COL5A1: variants seen among roughly 807,000 people sequenced by gnomAD.
COL5A1 encodes collagen alpha-1(V) chain.
COL5A1 carries 16 observed loss-of-function variants against 263.7 expected under a neutral mutation model. That is an observed-to-expected ratio of 0.06 (90% CI 0.04 to 0.09). COL5A1 has a LOEUF of 0.09. COL5A1 is among the 10% of genes least tolerant of loss of function. The pLI, the probability that COL5A1 is intolerant of heterozygous loss-of-function variation, is 1.00. For missense variants in COL5A1, 2,036 were observed against 2,540.5 expected (o/e 0.80, Z 4.27); for synonymous variants, 1,012 against 1,004.5 (o/e 1.01, Z -0.14).
At position 134,765,552 on chromosome 9, in the gene COL5A1, G is replaced by A; in HGVS notation, c.2035-129G>A. 3 of 791,624 alleles carry A rather than the reference G, an allele frequency of 3.8e-6. No homozygotes were observed. The highest frequency in any genetic ancestry group is 1.5e-5 in the South Asian group (1 of 65,728). The allele number at this position is 791,624 out of a possible 1,614,324, so 49.0% of individuals were successfully genotyped here. ...GGAGGGAGTCTGGGCCTCACTCCTG[G>A]GAGGCCAGGAGGCCTGAGTCACCAG... On this transcript the variant is annotated intron_variant, in intron 20 of 65. Transcript: ENST00000371817. This position sits in a 1 kb window ranked among gnomAD's most constrained non-coding sequence, Gnocchi z 5.1.
rs1259532571 is a variant in COL5A1 at position 134,818,529 on chromosome 9, G to T, written c.4231-127G>T. The T allele has an allele frequency of 5.7e-6, 4 of 698,836 alleles. No individual in the cohort carries two copies. In the Admixed American group the frequency reaches 9.5e-5, roughly 17 times the overall value. The allele number at this position is 698,836 out of a possible 1,614,324, so 43.3% of individuals were successfully genotyped here. On this transcript the variant is annotated intron_variant, in intron 54 of 65. Transcript: ENST00000371817. This position sits in a 1 kb window ranked among gnomAD's most constrained non-coding sequence, Gnocchi z 6.0. ...AGGCAATGAAATGTGGAGAATTAGG[G>T]CAACCCCGGATATGGGGTCACCTGG...
chr9:134,703,820 T>C (rs1161325524), intron 4 of COL5A1, among the ~76,000 whole-genome samples: 1 of 151,822 alleles, frequency 6.6e-6, no homozygotes, highest in Non-Finnish European at 1.5e-5. Context: ...TTTGTATTTT[T>C]AGTAGAGATG....
intron 1 of COL5A1, among the ~76,000 whole-genome samples, chr9:134,658,129 G>A (rs1481311886): frequency 6.6e-6 from 1 of 152,022 alleles, no homozygotes; most frequent in Non-Finnish European, 1.5e-5. Flanking sequence ...GTGGGCTGGA[G>A]GGGTCCCAGG....
At chr9:134,830,427 G>T (rs1839563590) in intron 64 of COL5A1, 2 of 575,354 alleles carry the variant, frequency 3.5e-6, no homozygotes, top group South Asian at 4.0e-5. Context: ...GCAGAGCTGG[G>T]TGTGGGCCCC....
chr9:134,654,421 A>G (rs1247272612), intron 1 of COL5A1, among the ~76,000 whole-genome samples: 144 of 21,236 alleles, frequency 6.8e-3, no homozygotes, highest in Non-Finnish European at 7.3e-3. Flanking sequence ...GTAGGGCTGG[A>G]GGTGTGTAGG....
At position 134,681,089 on chromosome 9, in the gene COL5A1, C is replaced by G. The variant is rs370120960; in HGVS notation, c.110-9823C>G. On this transcript the variant is annotated intron_variant, in intron 1 of 65. Transcript: ENST00000371817. The surrounding 1 kb of genome is among the most constrained non-coding windows in gnomAD (Gnocchi z 4.3). The stretch of plus-strand genomic sequence containing the variant: ...TTAGTCATTGAGGAAGAATTTCAGT[C>G]GCAGCCTCCAGAGCGCCTCTGTTTT... Among the ~76,000 whole-genome samples, 1 of 152,162 alleles carries G rather than the reference C, an allele frequency of 6.6e-6. No homozygotes were observed.
At chr9:134,690,294 A>G (rs528216821) in intron 1 of COL5A1, among the ~76,000 whole-genome samples, 2 of 134,906 alleles carry the variant, frequency 1.5e-5, no homozygotes, top group South Asian at 2.9e-4. Context: ...GGCGACAGAC[A>G]GTCCAGGTGG....
chr9:134,777,671 G>C (rs970092402), intron 27 of COL5A1, among the ~76,000 whole-genome samples: 2 of 152,172 alleles, frequency 1.3e-5, no homozygotes, highest in Non-Finnish European at 2.9e-5. Flanking sequence ...AGGAGGCTGC[G>C]GTCCTACCTG....
chr9:134,779,098 C>T (rs1306749611), intron 27 of COL5A1, among the ~76,000 whole-genome samples: 2 of 152,258 alleles, frequency 1.3e-5, no homozygotes, highest in African/African-American at 4.8e-5. Flanking sequence ...GGCCCTGCGT[C>T]CTCCAGTGCT....
At chr9:134,702,625 T>A (rs1171044015) in intron 4 of COL5A1, among the ~76,000 whole-genome samples, 1 of 152,210 alleles carries the variant, frequency 6.6e-6, no homozygotes, top group Non-Finnish European at 1.5e-5. Flanking sequence ...ACGGGCACGG[T>A]TGAACTGACC....
chr9:134,736,087 A>G (rs1454929193), intron 9 of COL5A1, among the ~76,000 whole-genome samples: 3 of 148,228 alleles, frequency 2.0e-5, no homozygotes, highest in South Asian at 2.1e-4. Context: ...GGACATCTGC[A>G]GCCCCCTGGC....
rs1479902042 is a variant in COL5A1 at position 134,782,682 on chromosome 9, C to G, written c.2446C>G (p.Pro816Ala). ...TKGEKGEDGF[P>A]GFKGDMGIKG... ...CCATATTCAGGGTGAAGACGGCTTTCCTGGGTTTAAAGGAGACATGGGCAT... is the reference window on the plus strand; with the variant it reads ...CCATATTCAGGGTGAAGACGGCTTTGCTGGGTTTAAAGGAGACATGGGCAT... Residue 816 changes from proline to alanine, a missense_variant, in exon 29 of 66, where the codon CCT (proline) becomes GCT (alanine). Coordinates refer to ENST00000371817, the MANE Select transcript of COL5A1 (RefSeq NM_000093.5). 2 of 1,614,002 alleles carry G rather than the reference C, an allele frequency of 1.2e-6. No homozygotes were observed. Among genetic ancestry groups the G allele is most frequent in the Non-Finnish European group, 1.7e-6 (2 of 1,179,996 alleles).
chr9:134,778,438 CTG>C (rs1360785031), intron 27 of COL5A1, among the ~76,000 whole-genome samples: 1 of 152,246 alleles, frequency 6.6e-6, no homozygotes, highest in Non-Finnish European at 1.5e-5. Flanking sequence ...AATACGCAAG[CTG>C]TGTTTGTCCG....
chr9:134,745,036 C>A (rs55871863), intron 11 of COL5A1, among the ~76,000 whole-genome samples: 1 of 152,204 alleles, frequency 6.6e-6, no homozygotes. Context: ...GCAGCCTGGT[C>A]GTGAATGACT....
rs1394173858 is a variant in COL5A1, at chr9:134,647,907, T to C, written c.109+5611T>C. ...CTGCAGGCGGAGCCCACAGCGGCCC[T>C]TGTGGTGGTTACTACTGAGTGTCAA... is the stretch of plus-strand genomic sequence containing the variant. On this transcript the variant is annotated intron_variant, in intron 1 of 65. Coordinates refer to ENST00000371817, the MANE Select transcript of COL5A1 (RefSeq NM_000093.5). The surrounding 1 kb of genome is among the most constrained non-coding windows in gnomAD (Gnocchi z 5.0). Among the ~76,000 whole-genome samples the C allele has an allele frequency of 1.3e-5, 2 of 152,216 alleles. No individual in the cohort carries two copies. Among genetic ancestry groups the C allele is most frequent in the African/African-American group, 2.4e-5 (1 of 41,450 alleles).
At chr9:134,820,298 C>T in intron 58 of COL5A1, 75 bp downstream of exon 58, 1 of 1,189,770 alleles carries the variant, frequency 8.4e-7, no homozygotes, top group Non-Finnish European at 1.2e-6. Context: ...ACCCAGGGGA[C>T]AGGAGGCCCA....
chr9:134,722,007 C>G (rs1235895993), intron 4 of COL5A1, among the ~76,000 whole-genome samples: 1 of 152,252 alleles, frequency 6.6e-6, no homozygotes, highest in Non-Finnish European at 1.5e-5. Flanking sequence ...GCCTTAGCAC[C>G]TGCGCCTCGG....
chr9:134,812,750 T>G (rs1838577207), intron 48 of COL5A1, 38 bp downstream of exon 48: 3 of 1,389,522 alleles, frequency 2.2e-6, no homozygotes, highest in African/African-American at 3.0e-5. Context: ...GATTTGCGGT[T>G]GTTTGAGGAG....
chr9:134,717,213 G>A (rs572660511), intron 4 of COL5A1, among the ~76,000 whole-genome samples: 20 of 152,220 alleles, frequency 1.3e-4, no homozygotes, highest in African/African-American at 4.6e-4. Context: ...CACCGGTGGC[G>A]TCCGGCCAGG....
Sources: allele counts gnomAD v4.1 joint callset (sites outside exome capture counted in the v4.1 genomes callset), GRCh38; gene constraint gnomAD v4.1.1; non-coding constraint Gnocchi (gnomAD v3.1); transcripts MANE v1.5; gene names NCBI Gene and HGNC (gene_info 2026-07-23, HGNC 2026-07-21).